CCDC192: variants seen among roughly 807,000 people sequenced by gnomAD.
The protein encoded by CCDC192 is coiled-coil domain-containing protein 192.
At chr5:127,894,148 G>A (rs947148414) in intron 6 of CCDC192, among the ~76,000 whole-genome samples, 1 of 150,830 alleles carries the variant, frequency 6.6e-6, no homozygotes, top group Non-Finnish European at 1.5e-5. Flanking sequence ...TTAATGACTC[G>A]TGGGCATTCT....
intron 5 of CCDC192, among the ~76,000 whole-genome samples, chr5:127,806,523 T>G (rs1757790892): frequency 6.6e-6 from 1 of 152,194 alleles, no homozygotes; most frequent in Non-Finnish European, 1.5e-5. Flanking sequence ...AACCACGCAT[T>G]TCTTCAAACA....
At chr5:127,851,954 TATATTGAGGGTTGTAA>T (rs1750815782) in intron 5 of CCDC192, among the ~76,000 whole-genome samples, 1 of 152,246 alleles carries the variant, frequency 6.6e-6, no homozygotes, top group Admixed American at 6.5e-5. Flanking sequence ...TGTTCTGTGA[TATATTGAGGGTTGTAA>T]ATATTTATGG....
chr5:127,919,283 A>C (rs1442205002), intron 6 of CCDC192, among the ~76,000 whole-genome samples: 3 of 152,190 alleles, frequency 2.0e-5, no homozygotes, highest in Admixed American at 2.0e-4. Context: ...TCTTTGACTC[A>C]GAACTTTGTC....
In CCDC192 at chr5:127,806,386, C is replaced by T. The variant is rs949413022; in HGVS notation, c.411+8224C>T. 5.3e-5 allele frequency among the ~76,000 whole-genome samples: 8 copies of T among 152,086 alleles called. 1 individual carries two copies. Among genetic ancestry groups the T allele is most frequent in the Admixed American group, 5.2e-4 (8 of 15,256 alleles). Reference sequence around the variant, plus strand: ...GATGAATAAGTTTAAACTGAACAACCACCTGTACCAATTCCTGCCACACCC... The same window carrying T: ...GATGAATAAGTTTAAACTGAACAACTACCTGTACCAATTCCTGCCACACCC... On this transcript the variant is annotated intron_variant, in intron 5 of 6. Coordinates refer to ENST00000514853, the MANE Select transcript of CCDC192 (RefSeq NM_001317938.2).
intron 2 of CCDC192, among the ~76,000 whole-genome samples, chr5:127,743,026 A>G (rs1314806283): frequency 6.6e-6 from 1 of 151,780 alleles, no homozygotes; most frequent in Non-Finnish European, 1.5e-5. Flanking sequence ...GGGAACGCTG[A>G]TCTCGCTGGA....
intron 2 of CCDC192, among the ~76,000 whole-genome samples, chr5:127,751,392 A>G (rs1046405527): frequency 1.3e-5 from 2 of 151,990 alleles, no homozygotes; most frequent in African/African-American, 2.4e-5. Flanking sequence ...TTGGCTGGAT[A>G]TGAAATTCTG....
At chr5:127,713,091 G>A (rs1353878631) in intron 2 of CCDC192, among the ~76,000 whole-genome samples, 1 of 151,956 alleles carries the variant, frequency 6.6e-6, no homozygotes, top group Non-Finnish European at 1.5e-5. Flanking sequence ...AAAATTAGCC[G>A]GGCATGGTGG....
Position 127,930,602 on chromosome 5 carries a change from T to G in CCDC192, c.536-10580T>G, listed in dbSNP as rs1260754315. ...CAGATTGACTTCCTCTTGGTATAAC[T>G]CAGGTACATGGTTATGCTAACAGTC... On this transcript the variant is annotated intron_variant, in intron 6 of 6. Transcript: ENST00000514853. Among the ~76,000 whole-genome samples, 40 of 152,208 alleles carry G rather than the reference T, an allele frequency of 2.6e-4. 1 individual carries two copies. The highest frequency in any genetic ancestry group is 2.6e-3 in the Admixed American group (40 of 15,286).
At chr5:127,722,979 A>T (rs1301939461) in intron 2 of CCDC192, among the ~76,000 whole-genome samples, 5 of 151,840 alleles carry the variant, frequency 3.3e-5, no homozygotes, top group Non-Finnish European at 2.9e-5. Context: ...ATTTTTTTTT[A>T]AATTCTGAGA....
At chr5:127,858,104 A>G (rs1751182517) in intron 5 of CCDC192, among the ~76,000 whole-genome samples, 1 of 152,200 alleles carries the variant, frequency 6.6e-6, no homozygotes, top group East Asian at 1.9e-4. Flanking sequence ...TATACGAAAC[A>G]CCTAGAACAA....
At chr5:127,750,045 T>G (rs1561464546) in intron 2 of CCDC192, among the ~76,000 whole-genome samples, 1 of 152,126 alleles carries the variant, frequency 6.6e-6, no homozygotes, top group Non-Finnish European at 1.5e-5. Context: ...TCAATTTTGT[T>G]GATCCTTTCA....
At chr5:127,762,662 G>A (rs1439966386) in intron 3 of CCDC192, among the ~76,000 whole-genome samples, 3 of 152,198 alleles carry the variant, frequency 2.0e-5, no homozygotes, top group Admixed American at 6.5e-5. Flanking sequence ...ACAGAGGTCA[G>A]TTTTAAATAG....
At chr5:127,877,756 T>G (rs570281783) in intron 6 of CCDC192, among the ~76,000 whole-genome samples, 1 of 152,202 alleles carries the variant, frequency 6.6e-6, no homozygotes, top group East Asian at 1.9e-4. Context: ...TGACCCCTAT[T>G]TAATCACAGG....
intron 5 of CCDC192, among the ~76,000 whole-genome samples, chr5:127,840,730 G>A (rs1158075482): frequency 6.6e-6 from 1 of 152,054 alleles, no homozygotes; most frequent in Admixed American, 6.5e-5. Flanking sequence ...TCATTATCTA[G>A]GTTTAAGAGC....
At chr5:127,789,485 A>C (rs957484664) in intron 3 of CCDC192, among the ~76,000 whole-genome samples, 14 of 152,250 alleles carry the variant, frequency 9.2e-5, no homozygotes, top group African/African-American at 3.4e-4. Flanking sequence ...TTATCTTTGC[A>C]TTCTAGTGTT....
intron 6 of CCDC192, among the ~76,000 whole-genome samples, chr5:127,918,165 A>G (rs544206530): frequency 4.9e-4 from 73 of 149,722 alleles, no homozygotes; most frequent in African/African-American, 1.7e-3. Flanking sequence ...AACAAACTCA[A>G]TGGCATTGGT....
At chr5:127,718,914 A>T (rs1554068037) in intron 2 of CCDC192, among the ~76,000 whole-genome samples, 1 of 151,938 alleles carries the variant, frequency 6.6e-6, no homozygotes, top group African/African-American at 2.4e-5. Context: ...ATCCAATTAT[A>T]CTCTTTTAGT....
chr5:127,784,820 T>C (rs559729057), intron 3 of CCDC192: 4 of 473,914 alleles, frequency 8.4e-6, no homozygotes, highest in East Asian at 5.2e-5. Context: ...AATCAGTAGT[T>C]TGCAGTCTTC....
chr5:127,901,729 T>A (rs1341877806), intron 6 of CCDC192, among the ~76,000 whole-genome samples: 1 of 152,178 alleles, frequency 6.6e-6, no homozygotes, highest in East Asian at 1.9e-4. Flanking sequence ...TGTTTGAAGG[T>A]TCATCTATAT....
Sources: gnomAD v4.1 joint callset for allele counts (sites outside exome capture counted in the v4.1 genomes callset) on GRCh38, gnomAD v4.1.1 for gene constraint, MANE v1.5 for transcripts, NCBI Gene and HGNC (gene_info 2026-07-23, HGNC 2026-07-21) for gene names.